The following LINGO2 variants were observed in gnomAD, a reference collection of about 807,000 sequenced individuals.
LINGO2 encodes the protein leucine rich repeat and Ig domain containing 2, also known as leucine-rich repeat and immunoglobulin-like domain-containing nogo receptor-interacting protein 2.
Under a neutral mutation model 30.6 loss-of-function variants are expected in LINGO2, and 14 were observed. That is an observed-to-expected ratio of 0.46 (90% CI 0.30 to 0.72). The LOEUF is 0.72. Ranked by LOEUF, LINGO2 falls within the 30% of genes least tolerant of loss-of-function variation. LINGO2 has a pLI of 0.07. For missense variants in LINGO2, 729 were observed against 751.7 expected, an observed-to-expected ratio of 0.97 and a Z score of 0.35; for synonymous variants, 317 against 288.5, an observed-to-expected ratio of 1.10 and a Z score of -1.00.
chr9:28,175,449 G>A (rs1014036276), intron 4 of LINGO2, among the ~76,000 whole-genome samples: 12 of 152,126 alleles, frequency 7.9e-5, no homozygotes, highest in Non-Finnish European at 1.6e-4. Flanking sequence ...CCATAGGGGA[G>A]GGAGGTTCTC....
chr9:28,102,253 C>T (rs1256520005), intron 4 of LINGO2, among the ~76,000 whole-genome samples: 2 of 151,794 alleles, frequency 1.3e-5, no homozygotes, highest in Admixed American at 6.6e-5. Context: ...AGTATATACG[C>T]TTGAATGAGA....
chr9:28,853,029 C>A, the LINGO2 span, among the ~76,000 whole-genome samples: 1 of 152,058 alleles, frequency 6.6e-6, no homozygotes, highest in Non-Finnish European at 1.5e-5. Flanking sequence ...CTAAGGACTG[C>A]TGAGCAGGTG....
chr9:28,847,973 A>C, the LINGO2 span, among the ~76,000 whole-genome samples: 2 of 110,806 alleles, frequency 1.8e-5, no homozygotes, highest in Non-Finnish European at 3.6e-5. Flanking sequence ...ATATATATGT[A>C]TATATGTGTA....
At chr9:28,469,970 T>C (rs555410557) in intron 2 of LINGO2, among the ~76,000 whole-genome samples, 1 of 152,306 alleles carries the variant, frequency 6.6e-6, no homozygotes, top group Non-Finnish European at 1.5e-5. Flanking sequence ...CTTTTTATTT[T>C]CTACAGGATT....
In LINGO2 at chr9:28,408,116, T is replaced by C. The variant is rs540396219; in HGVS notation, c.-278-35248A>G. Among the ~76,000 whole-genome samples the C allele has an allele frequency of 3.3e-4, 51 of 152,292 alleles. No homozygotes were observed. The South Asian group carries it at 5.8e-3, about 17-fold the overall frequency. On this transcript the variant is annotated intron_variant, in intron 2 of 5. Transcript: ENST00000379992. ...AAGGGAGGAGGCAGTGCTGAGGGAC[T>C]GTTGGGTAAAACCAACACTCGTCTA...
intron 1 of LINGO2, among the ~76,000 whole-genome samples, chr9:28,597,225 C>T (rs1825228199): frequency 6.6e-6 from 1 of 152,120 alleles, no homozygotes; most frequent in African/African-American, 2.4e-5. Context: ...TTGGTCCACA[C>T]AGCTTAATAG....
chr9:28,917,748 G>A, the LINGO2 span, among the ~76,000 whole-genome samples: 1 of 152,046 alleles, frequency 6.6e-6, no homozygotes, highest in African/African-American at 2.4e-5. Flanking sequence ...ATAGAGTTGA[G>A]TAAAGCAAGA....
At chr9:28,762,426 T>C in the LINGO2 span, among the ~76,000 whole-genome samples, 1 of 152,156 alleles carries the variant, frequency 6.6e-6, no homozygotes, top group South Asian at 2.1e-4. Context: ...TATCTCTGAA[T>C]CAAGGACAAC....
At chr9:28,861,290 T>A in the LINGO2 span, among the ~76,000 whole-genome samples, 23 of 126,040 alleles carry the variant, frequency 1.8e-4, no homozygotes, top group Admixed American at 2.2e-3. Flanking sequence ...ATATTATATA[T>A]TTTATATATT....
chr9:27,949,017 A>G, exon 6 of LINGO2: 1 of 1,614,136 alleles, frequency 6.2e-7, no homozygotes, highest in Non-Finnish European at 8.5e-7. Context: ...CACTCCCAGG[A>G]ATGTGAAGCA....
chr9:28,073,605 C>T (rs1203548367), intron 4 of LINGO2, among the ~76,000 whole-genome samples: 2 of 152,206 alleles, frequency 1.3e-5, no homozygotes, highest in Non-Finnish European at 2.9e-5. Context: ...ACATAAGCCA[C>T]ATAAGTTGAC....
chr9:28,005,794 C>A (rs1587671021), intron 5 of LINGO2, among the ~76,000 whole-genome samples: 3 of 151,818 alleles, frequency 2.0e-5, no homozygotes, highest in African/African-American at 7.3e-5. Context: ...CTTTATAGGG[C>A]CACCAAGACA....
chr9:28,018,733 T>C (rs1212216744), intron 4 of LINGO2, among the ~76,000 whole-genome samples: 1 of 152,094 alleles, frequency 6.6e-6, no homozygotes, highest in Non-Finnish European at 1.5e-5. Flanking sequence ...GGGGCACTTA[T>C]ACATTGCTGG....
At chr9:28,928,619 T>C in the LINGO2 span, among the ~76,000 whole-genome samples, 1 of 152,246 alleles carries the variant, frequency 6.6e-6, no homozygotes, top group South Asian at 2.1e-4. Context: ...ATTTTCATTC[T>C]CTATAGTTTT....
chr9:28,511,148 C>A (rs566267830), intron 1 of LINGO2, among the ~76,000 whole-genome samples: 1 of 152,264 alleles, frequency 6.6e-6, no homozygotes, highest in South Asian at 2.1e-4. Context: ...TCAGTCCAAT[C>A]AAGTTGATGC....
intron 4 of LINGO2, among the ~76,000 whole-genome samples, chr9:28,257,407 C>G (rs537132521): frequency 6.6e-6 from 1 of 151,774 alleles, no homozygotes; most frequent in Admixed American, 6.6e-5. Context: ...GAGAGTAGTC[C>G]TTAAAAGAGA....
chr9:29,191,563 TCACTGTTTTC>T, the LINGO2 span, among the ~76,000 whole-genome samples: 3 of 152,146 alleles, frequency 2.0e-5, no homozygotes, highest in African/African-American at 7.2e-5. Context: ...ATTATTACTC[TCACTGTTTTC>T]CATCTGTCAG....
chr9:28,325,844 C>G (rs987507456), intron 3 of LINGO2, among the ~76,000 whole-genome samples: 1 of 152,114 alleles, frequency 6.6e-6, no homozygotes, highest in African/African-American at 2.4e-5. Context: ...CCCTCCAGTA[C>G]TATCCTATTA....
the LINGO2 span, among the ~76,000 whole-genome samples, chr9:28,894,414 T>C: frequency 5.9e-5 from 9 of 152,108 alleles, no homozygotes; most frequent in Admixed American, 2.6e-4. Flanking sequence ...ATGATGTCTT[T>C]CACATTATAT....
Sources: gnomAD v4.1 joint callset for allele counts (sites outside exome capture counted in the v4.1 genomes callset) on GRCh38, gnomAD v4.1.1 for gene constraint, MANE v1.5 for transcripts, NCBI Gene and HGNC (gene_info 2026-07-23, HGNC 2026-07-21) for gene names.